MICAL2: variants seen among roughly 807,000 people sequenced by gnomAD.
MICAL2 encodes [F-actin]-monooxygenase MICAL2.
A neutral mutation model predicts 127.3 loss-of-function variants in MICAL2; 77 were observed. The observed-to-expected ratio is 0.60, with a 90% CI of 0.50 to 0.73. The LOEUF is 0.73. Among genes scored for constraint, MICAL2 ranks in the 30% least tolerant of loss-of-function variants. The probability of loss-of-function intolerance (pLI) is 0.00; values close to 1 mark genes in which losing one functional copy is unlikely to be tolerated. For missense variants in MICAL2, 1,351 were observed against 1,434.4 expected (o/e 0.94, Z 0.94); for synonymous variants, 570 against 551.1 (o/e 1.03, Z -0.48).
chr11:12,346,557 C>T (rs1358128653), intron 32 of MICAL2, among the ~76,000 whole-genome samples: 1 of 152,170 alleles, frequency 6.6e-6, no homozygotes, highest in Non-Finnish European at 1.5e-5. Context: ...CCTTGTTCTT[C>T]CCCTCCTCTC....
intron 1 of MICAL2, among the ~76,000 whole-genome samples, chr11:12,114,640 C>A (rs1163758139): frequency 2.0e-5 from 3 of 152,146 alleles, no homozygotes. Flanking sequence ...AGCATTTGTC[C>A]AGTTGTATCA....
rs573163322 is a variant in MICAL2 at position 12,337,180 on chromosome 11, C to T, written c.5515+9914C>T. Among the ~76,000 whole-genome samples, 159 of 152,038 alleles carry T rather than the reference C, an allele frequency of 1.0e-3. 1 individual carries two copies. Among genetic ancestry groups the T allele is most frequent in the African/African-American group, 3.5e-3 (147 of 41,466 alleles). ...TTCAACTTCTTCCTGGTTTAGTCTT[C>T]GGAGGGTGTATGTGTCGAGGAATTT... On this transcript the variant is annotated intron_variant, in intron 32 of 34. Coordinates refer to the MICAL2 transcript ENST00000646065.
At position 12,350,797 on chromosome 11, in the gene MICAL2, A is replaced by G. The variant is rs530573829; in HGVS notation, c.5615+860A>G. ...CTTTATTCGTTTCCTAGGCTGCAAT[A>G]ACAAATTGCCACAGACTGGATGGCT... is the stretch of plus-strand genomic sequence containing the variant. On this transcript the variant is annotated intron_variant, in intron 33 of 34. Transcript: ENST00000646065. Among the ~76,000 whole-genome samples, 4 of 152,328 alleles carry G rather than the reference A, an allele frequency of 2.6e-5. No individual in the cohort carries two copies. In the South Asian group the frequency reaches 6.2e-4, roughly 24 times the overall value.
At chr11:12,327,739 A>G (rs1264176656) in intron 32 of MICAL2, among the ~76,000 whole-genome samples, 5 of 149,238 alleles carry the variant, frequency 3.4e-5, no homozygotes, top group Middle Eastern at 3.6e-3. Flanking sequence ...TCATTTCCTC[A>G]TCTAAAATGG....
downstream of MICAL2, among the ~76,000 whole-genome samples, chr11:12,359,465 A>T (rs1939178084): frequency 6.6e-6 from 1 of 152,066 alleles, no homozygotes; most frequent in South Asian, 2.1e-4. Flanking sequence ...GTCTTCTTAG[A>T]CTCAAAGAGA....
intron 2 of MICAL2, among the ~76,000 whole-genome samples, chr11:12,155,116 A>G (rs1279562068): frequency 6.6e-6 from 1 of 152,156 alleles, no homozygotes; most frequent in Non-Finnish European, 1.5e-5. Context: ...CTGGGCTTGA[A>G]CCCAGGTATC....
At chr11:12,221,494 T>A (rs1452436104) in intron 9 of MICAL2, 150 bp from the exon 10 acceptor site, 1 of 533,634 alleles carries the variant, frequency 1.9e-6, no homozygotes, top group Non-Finnish European at 3.4e-6. Context: ...TTGTGATGAA[T>A]CCTCATAGGT....
At chr11:12,265,807 G>C (rs1337058790), downstream of MICAL2, among the ~76,000 whole-genome samples, 1 of 152,144 alleles carries the variant, frequency 6.6e-6, no homozygotes, top group African/African-American at 2.4e-5. Flanking sequence ...GGTTTTTAAA[G>C]GAAGTAAATT....
chr11:12,157,442 C>T (rs926642209), intron 2 of MICAL2, among the ~76,000 whole-genome samples: 1 of 152,160 alleles, frequency 6.6e-6, no homozygotes, highest in Non-Finnish European at 1.5e-5. Context: ...TGCTTTGTGA[C>T]TCATGAAGTC....
intron 2 of MICAL2, among the ~76,000 whole-genome samples, chr11:12,156,950 G>A (rs1029855781): frequency 6.6e-6 from 1 of 152,252 alleles, no homozygotes; most frequent in Non-Finnish European, 1.5e-5. Context: ...CCTTAGTGAC[G>A]TAGAGCTGGG....
At chr11:12,160,475 G>A (rs1343363508) in intron 2 of MICAL2, among the ~76,000 whole-genome samples, 3 of 152,060 alleles carry the variant, frequency 2.0e-5, no homozygotes, top group Non-Finnish European at 2.9e-5. Flanking sequence ...CTGCCACCAC[G>A]TGCGCTGGAC....
chr11:12,301,874 G>C (rs889987959), intron 29 of MICAL2, among the ~76,000 whole-genome samples: 3 of 152,178 alleles, frequency 2.0e-5, no homozygotes, highest in Non-Finnish European at 4.4e-5. Flanking sequence ...TCAGGTCCTT[G>C]AGAAAGACAC....
chr11:12,328,256 AC>A, intron 32 of MICAL2, among the ~76,000 whole-genome samples: 1 of 152,308 alleles, frequency 6.6e-6, no homozygotes, highest in South Asian at 2.1e-4. Flanking sequence ...ATTGAGAGGC[AC>A]ACATAGGTAA....
At chr11:12,172,755 C>T (rs2133887927) in intron 3 of MICAL2, among the ~76,000 whole-genome samples, 1 of 152,146 alleles carries the variant, frequency 6.6e-6, no homozygotes, top group Admixed American at 6.5e-5. Flanking sequence ...ACATTGAATC[C>T]CAGGTACCAC....
chr11:12,284,161 A>C (rs1863799161), intron 2 of MICAL2, among the ~76,000 whole-genome samples: 1 of 152,240 alleles, frequency 6.6e-6, no homozygotes, highest in African/African-American at 2.4e-5. Flanking sequence ...TAAACTAATT[A>C]GATTTAGGAG....
intron 2 of MICAL2, among the ~76,000 whole-genome samples, chr11:12,147,747 A>C (rs1853096366): frequency 6.6e-6 from 1 of 152,210 alleles, no homozygotes; most frequent in African/African-American, 2.4e-5. Flanking sequence ...CCCCAGTCAC[A>C]ATATAGGTTC....
At chr11:12,341,827 AAAAAGAAAAG>A (rs896131688) in intron 32 of MICAL2, among the ~76,000 whole-genome samples, 2 of 125,138 alleles carry the variant, frequency 1.6e-5, no homozygotes, top group African/African-American at 6.1e-5. Context: ...ACTCTTTCTC[AAAAAGAAAAG>A]AAAAGAAAAG....
rs149542872 is a variant in MICAL2 at position 12,194,284 on chromosome 11, G to C, written c.265-9966G>C. ...ACCAGATACCGGGATTTGAATCCTA[G>C]CTTCACCACTGAATAGCTACAGCTG... is the stretch of plus-strand genomic sequence containing the variant. On this transcript the variant is annotated intron_variant, in intron 3 of 27. Coordinates refer to ENST00000683283, the MANE Select transcript of MICAL2 (RefSeq NM_001282663.2). Among the ~76,000 whole-genome samples, 811 of 152,322 alleles carry C rather than the reference G, an allele frequency of 5.3e-3. 2 individuals carry two copies. The highest frequency in any genetic ancestry group is 9.0e-3 in the Non-Finnish European group (611 of 68,032).
At chr11:12,222,803 G>C in intron 11 of MICAL2, 60 bp downstream of exon 11, 3 of 1,596,090 alleles carry the variant, frequency 1.9e-6, no homozygotes, top group Non-Finnish European at 8.5e-7. Flanking sequence ...GGAAGAGGTG[G>C]TGGGGAGGGG....
Sources: allele counts gnomAD v4.1 joint callset (sites outside exome capture counted in the v4.1 genomes callset), GRCh38; gene constraint gnomAD v4.1.1; transcripts MANE v1.5; gene names NCBI Gene and HGNC (gene_info 2026-07-23, HGNC 2026-07-21).